Variants in UGT1A9 observed in about 807,000 individuals in gnomAD.
The protein encoded by UGT1A9 is UDP glucuronosyltransferase family 1 member A9.
Under a neutral mutation model 45.0 loss-of-function variants are expected in UGT1A9, and 35 were observed. That is an observed-to-expected ratio of 0.78 (90% confidence interval 0.59 to 1.03). The LOEUF is 1.03. Among genes scored for constraint, UGT1A9 ranks in the 50% least tolerant of loss-of-function variants. UGT1A9 has a pLI of 0.00. For missense variants in UGT1A9, 687 were observed against 666.6 expected, an observed-to-expected ratio of 1.03 and a Z score of -0.34; for synonymous variants, 278 against 250.6, an observed-to-expected ratio of 1.11 and a Z score of -1.03.
chr2:233,676,076 C>G (rs1402003172), intron 1 of UGT1A9, among the ~76,000 whole-genome samples: 3 of 152,182 alleles, frequency 2.0e-5, no homozygotes, highest in Non-Finnish European at 4.4e-5. Flanking sequence ...ACAAGTGTGT[C>G]AAGATCATTC....
chr2:233,693,402 G>A, intron 1 of UGT1A9: 1 of 1,614,140 alleles, frequency 6.2e-7, no homozygotes, highest in Non-Finnish European at 8.5e-7. Context: ...CTGCAGGACA[G>A]GGACACCCTG....
intron 1 of UGT1A9, chr2:233,747,094 A>T: frequency 7.8e-7 from 1 of 1,281,688 alleles, no homozygotes; most frequent in Non-Finnish European, 1.1e-6. Flanking sequence ...AGAGCACTCT[A>T]TCTTCCAATT....
At chr2:233,715,699 G>A (rs1160022726) in intron 1 of UGT1A9, among the ~76,000 whole-genome samples, 1 of 152,162 alleles carries the variant, frequency 6.6e-6, no homozygotes, top group Non-Finnish European at 1.5e-5. Flanking sequence ...TTGATCCCAG[G>A]AGGTGGAGGC....
chr2:233,736,686 T>C (rs2078793378), intron 1 of UGT1A9, among the ~76,000 whole-genome samples: 1 of 152,252 alleles, frequency 6.6e-6, no homozygotes, highest in Admixed American at 6.5e-5. Context: ...GTTGGTGACC[T>C]ACAGATGGGG....
intron 1 of UGT1A9, chr2:233,743,625 C>A (rs201123763): frequency 3.7e-6 from 5 of 1,367,318 alleles, no homozygotes; most frequent in Admixed American, 3.8e-5. Context: ...CTGAAGACGT[C>A]GGCTGGGTCG....
At chr2:233,736,318 T>G (rs1275483454) in intron 1 of UGT1A9, among the ~76,000 whole-genome samples, 1 of 152,256 alleles carries the variant, frequency 6.6e-6, no homozygotes, top group Non-Finnish European at 1.5e-5. Flanking sequence ...TTGAATTTTG[T>G]GCATGTGTTA....
intron 1 of UGT1A9, chr2:233,682,916 T>C (rs2125525062): frequency 1.3e-6 from 2 of 1,487,110 alleles, no homozygotes; most frequent in Non-Finnish European, 1.8e-6. Context: ...GTTTAAGGAA[T>C]TCTTTTGTAC....
rs142524718 is a variant in UGT1A9 at position 233,712,496 on chromosome 2, C to G, written c.855+39707C>G. 2.0e-5 allele frequency among the ~76,000 whole-genome samples: 3 copies of G among 152,274 alleles called. No individual in the cohort carries two copies. The East Asian group carries it at 5.8e-4, about 29-fold the overall frequency. On this transcript the variant is annotated intron_variant, in intron 1 of 4. Coordinates refer to ENST00000354728, the MANE Select transcript of UGT1A9 (RefSeq NM_021027.3). ...CCCTGTTTAAAGAAAGCTGGCTTAG[C>G]AATGTTGTCTGCATTTTGGATGTGC... is the stretch of plus-strand genomic sequence containing the variant.
At chr2:233,679,288 C>G (rs760251029) in intron 1 of UGT1A9, among the ~76,000 whole-genome samples, 2 of 152,180 alleles carry the variant, frequency 1.3e-5, no homozygotes, top group Non-Finnish European at 2.9e-5. Context: ...TCTGCCTTCA[C>G]GGACAAAGCC....
chr2:233,682,057 C>T (rs1307125349), intron 1 of UGT1A9: 2 of 1,614,088 alleles, frequency 1.2e-6, no homozygotes, highest in East Asian at 2.2e-5. Flanking sequence ...ACTGGTTCAC[C>T]ATGCAGTCGG....
At chr2:233,689,698 T>C (rs894991640) in intron 1 of UGT1A9, among the ~76,000 whole-genome samples, 55 of 152,202 alleles carry the variant, frequency 3.6e-4, no homozygotes, top group African/African-American at 1.3e-3. Flanking sequence ...TCAGTCGTTA[T>C]TTCCCCTTAT....
chr2:233,763,501 T>C (rs1395198282), intron 1 of UGT1A9, among the ~76,000 whole-genome samples: 3 of 152,238 alleles, frequency 2.0e-5, no homozygotes, highest in Non-Finnish European at 4.4e-5. Context: ...CAGTTTACTT[T>C]ATGTTTAGTT....
chr2:233,729,290 G>A, intron 1 of UGT1A9: 1 of 1,614,236 alleles, frequency 6.2e-7, no homozygotes, highest in Admixed American at 1.7e-5. Context: ...CATGCCAGAG[G>A]CCACCAGGCA....
chr2:233,706,522 G>A (rs1218157310), intron 1 of UGT1A9, among the ~76,000 whole-genome samples: 3 of 152,204 alleles, frequency 2.0e-5, no homozygotes, highest in South Asian at 4.1e-4. Flanking sequence ...ATTTTACAGC[G>A]GCTTAGAAAC....
At chr2:233,729,583 C>T (rs1274615489) in intron 1 of UGT1A9, 17 of 1,613,918 alleles carry the variant, frequency 1.1e-5, no homozygotes, top group Non-Finnish European at 1.4e-5. Flanking sequence ...TTTAACAGAC[C>T]CCGTTAACCT....
At chr2:233,743,384 A>G in intron 1 of UGT1A9, 4 of 1,202,216 alleles carry the variant, frequency 3.3e-6, no homozygotes, top group Non-Finnish European at 4.5e-6. Context: ...CTACCGTAGG[A>G]CATGCAGAAG....
chr2:233,720,495 T>G (rs546107081), intron 1 of UGT1A9, among the ~76,000 whole-genome samples: 4 of 152,212 alleles, frequency 2.6e-5, no homozygotes, highest in Admixed American at 2.6e-4. Context: ...AGAAGGGAAG[T>G]GTTTCTCAGG....
At chr2:233,744,014 C>G (rs1692649024) in intron 1 of UGT1A9, 1 of 1,062,236 alleles carries the variant, frequency 9.4e-7, no homozygotes, top group Non-Finnish European at 1.2e-6. Context: ...CCTGGGCCGC[C>G]TGGAGAGACG....
intron 1 of UGT1A9, among the ~76,000 whole-genome samples, chr2:233,720,489 G>C (rs2076863556): frequency 6.6e-6 from 1 of 152,082 alleles, no homozygotes; most frequent in Non-Finnish European, 1.5e-5. Flanking sequence ...TGTCCAAGAA[G>C]GGAAGTGTTT....
Sources: gnomAD v4.1 joint callset for allele counts (sites outside exome capture counted in the v4.1 genomes callset) on GRCh38, gnomAD v4.1.1 for gene constraint, MANE v1.5 for transcripts, NCBI Gene and HGNC (gene_info 2026-07-23, HGNC 2026-07-21) for gene names.